The following HTR2B variants were observed in gnomAD, a reference collection of about 807,000 sequenced individuals.
HTR2B encodes the protein 5-hydroxytryptamine receptor 2B.
A neutral mutation model predicts 39.8 loss-of-function variants in HTR2B; 31 were observed. That is an observed-to-expected ratio of 0.78 (90% confidence interval 0.58 to 1.05). HTR2B has a LOEUF of 1.05. HTR2B is among the 50% of genes least tolerant of loss of function. The pLI is 0.00. For missense variants in HTR2B, 562 were observed against 578.0 expected (o/e 0.97, Z 0.28); for synonymous variants, 210 against 207.1 (o/e 1.01, Z -0.12).
At chr2:231,124,917 A>T (rs1383804848) in intron 1 of HTR2B, 55 bp downstream of exon 1, 1 of 152,038 alleles carries the variant, frequency 6.6e-6, no homozygotes, top group African/African-American at 2.4e-5. Flanking sequence ...GAATTCTTGA[A>T]GATTAAAAAA....
chr2:231,113,637 T>C (rs1032345371), intron 3 of HTR2B, 92 bp downstream of exon 3: 9 of 1,115,074 alleles, frequency 8.1e-6, no homozygotes, highest in African/African-American at 7.7e-5. Context: ...CCTCTCATGC[T>C]GAGTTTCATT....
In HTR2B at chr2:231,109,016, A is replaced by T; in HGVS notation, c.947T>A (p.Ile316Asn). 1 of 1,614,250 alleles carries T rather than the reference A, an allele frequency of 6.2e-7. No individual in the cohort carries two copies. Among genetic ancestry groups the T allele is most frequent in the Non-Finnish European group, 8.5e-7 (1 of 1,180,038 alleles). ...STIGKKSVQTISNEQRASKVL... is the reference protein window; with the variant it reads ...STIGKKSVQTNSNEQRASKVL... ...CTTTGAGGCTCTCTGTTCGTTGGAA[A>T]TGGTCTGCACTGACTTTTTCCCAAT... is the stretch of plus-strand genomic sequence containing the variant. The change falls in exon 4 of 4, where the codon ATT becomes AAT. Residue 316 changes from isoleucine to asparagine, a missense_variant. Ile to Asn is a moderately radical substitution (Grantham distance 149, BLOSUM62 -3). Transcript: ENST00000258400.
Position 231,108,792 on chromosome 2 carries a change from A to G in HTR2B, c.1171T>C (p.Phe391Leu), listed in dbSNP as rs1163426310. Residue 391 changes from phenylalanine to leucine, a missense_variant, in exon 4 of 4, where the codon TTT becomes CTT. Transcript: ENST00000258400. ...TLFNKTFRDA[F>L]GRYITCNYRA... ...TAATTGCAGGTGATATATCGGCCAA[A>G]TGCATCCCGAAATGTCTTATTGAAG... The G allele has an allele frequency of 2.5e-6, 4 of 1,614,072 alleles. No homozygotes were observed. Among genetic ancestry groups the G allele is most frequent in the Non-Finnish European group, 3.4e-6 (4 of 1,180,042 alleles).
At chr2:231,111,126 C>G (rs1307245783) in intron 3 of HTR2B, among the ~76,000 whole-genome samples, 1 of 152,184 alleles carries the variant, frequency 6.6e-6, no homozygotes, top group East Asian at 1.9e-4. Flanking sequence ...CCAGTGCCAG[C>G]ATTTTCTACT....
chr2:231,109,295 A>C lies in HTR2B; in HGVS notation c.668T>G (p.Leu223Arg). 6.2e-7 allele frequency: 1 copy of C among 1,614,194 alleles called. No individual in the cohort carries two copies. The highest frequency in any genetic ancestry group is 1.1e-5 in the South Asian group (1 of 91,084). Residue 223 changes from leucine to arginine, a missense_variant, in exon 4 of 4, where the codon CTG (leucine) becomes CGG (arginine). Transcript: ENST00000258400. ...RFGDFMLFGS[L>R]AAFFTPLAIM... ...TGCAAGAGGTGTGAAGAAGGCAGCC[A>C]GTGAGCCAAAGAGCATGAAATCGCC...
At chr2:231,115,096 C>A (rs1362535110) in intron 2 of HTR2B, among the ~76,000 whole-genome samples, 1 of 151,742 alleles carries the variant, frequency 6.6e-6, no homozygotes, top group Non-Finnish European at 1.5e-5. Context: ...CCAGAATAAT[C>A]ATCTCAGGAT....
chr2:231,119,994 C>G (rs1695481066), intron 2 of HTR2B, among the ~76,000 whole-genome samples: 1 of 151,010 alleles, frequency 6.6e-6, no homozygotes, highest in Non-Finnish European at 1.5e-5. Context: ...ACCCCGTCAC[C>G]CAGGCTGGAG....
Position 231,108,651 on chromosome 2 carries a change from T to A in HTR2B, c.1312A>T (p.Asn438Tyr). 1.9e-6 allele frequency: 3 copies of A among 1,614,150 alleles called. No homozygotes were observed. The highest frequency in any genetic ancestry group is 2.5e-6 in the Non-Finnish European group (3 of 1,180,012). Residue 438 changes from asparagine to tyrosine, a missense_variant, in exon 4 of 4, where the codon AAC becomes TAC. Physicochemically the swap from Asn to Tyr is moderately radical, Grantham distance 143 (BLOSUM62 -2). Transcript: ENST00000258400. Reference protein sequence around the residue: ...FKKHGIRNGINPAMYQSPMRL... With the variant: ...FKKHGIRNGIYPAMYQSPMRL... ...ATTGGACTCTGGTACATGGCAGGGT[T>A]AATCCCATTTCGAATTCCATGTTTC...
At chr2:231,114,985 GT>G (rs1305014218) in intron 2 of HTR2B, among the ~76,000 whole-genome samples, 1 of 152,084 alleles carries the variant, frequency 6.6e-6, no homozygotes, top group Non-Finnish European at 1.5e-5. Context: ...GGATTTGATT[GT>G]TATATGTCCA....
At chr2:231,118,579 G>C (rs972125644) in intron 2 of HTR2B, among the ~76,000 whole-genome samples, 10 of 152,066 alleles carry the variant, frequency 6.6e-5, no homozygotes, top group Non-Finnish European at 1.3e-4. Flanking sequence ...GTTGGTTTGG[G>C]TATTTTTTTG....
chr2:231,124,163 A>T (rs564562264), intron 1 of HTR2B, 33 bp from the exon 2 acceptor site: 1 of 194,710 alleles, frequency 5.1e-6, no homozygotes, highest in South Asian at 9.3e-5. Context: ...GCATTATTTT[A>T]TTCATTTCTG....
chr2:231,123,327 A>G lies in HTR2B; in HGVS notation c.352+86T>C, dbSNP rs1695610350. 6 of 998,718 alleles carry G rather than the reference A, an allele frequency of 6.0e-6. No individual in the cohort carries two copies. The African/African-American group carries it at 6.4e-5, about 11-fold the overall frequency. 61.9% of individuals were successfully genotyped at this position (998,718 alleles called of 1,614,324 possible). A position where few individuals can be genotyped will look rare whatever the true frequency, so the allele number is the denominator to read the frequency against. ...GTCCAAGTTCATCTTTTATTTCAAGAAAAGTAAAGATTAAATGAGTGTCCA... is the reference window on the plus strand; with the variant it reads ...GTCCAAGTTCATCTTTTATTTCAAGGAAAGTAAAGATTAAATGAGTGTCCA... On this transcript the variant is annotated intron_variant, in intron 2 of 3. Coordinates refer to ENST00000258400, the MANE Select transcript of HTR2B (RefSeq NM_000867.5).
At chr2:231,122,156 T>C (rs1695567372) in intron 2 of HTR2B, among the ~76,000 whole-genome samples, 2 of 152,162 alleles carry the variant, frequency 1.3e-5, no homozygotes, top group Admixed American at 1.3e-4. Flanking sequence ...TGTTAATTAT[T>C]AGAAAGTCTA....
rs1196528598 is a variant in HTR2B, at chr2:231,123,813, G to A, written c.-49C>T. On this transcript the variant is annotated 5_prime_UTR_variant, in exon 2 of 4. Transcript: ENST00000258400. ...CCCGTTCCGAACAGTGGTCAGCATG[G>A]TTAGTAGCTAAGCTGCTCATCTGTT... The A allele has an allele frequency of 1.5e-6, 2 of 1,364,346 alleles. No individual in the cohort carries two copies. Among genetic ancestry groups the A allele is most frequent in the Admixed American group, 3.4e-5 (2 of 59,686 alleles). The allele number at this position is 1,364,346 out of a possible 1,614,324, so 84.5% of individuals were successfully genotyped here.
At chr2:231,120,643 A>T (rs1330085996) in intron 2 of HTR2B, among the ~76,000 whole-genome samples, 1 of 152,242 alleles carries the variant, frequency 6.6e-6, no homozygotes, top group Non-Finnish European at 1.5e-5. Flanking sequence ...ATCTCTCAGT[A>T]TAAGGACAGA....
chr2:231,116,953 T>G (rs1347185317), intron 2 of HTR2B, among the ~76,000 whole-genome samples: 3 of 151,996 alleles, frequency 2.0e-5, no homozygotes, highest in African/African-American at 7.2e-5. Flanking sequence ...AATAGAAACC[T>G]TATATACAAC....
At chr2:231,118,525 G>A (rs192754017) in intron 2 of HTR2B, among the ~76,000 whole-genome samples, 280 of 152,136 alleles carry the variant, frequency 1.8e-3, no homozygotes, top group Middle Eastern at 6.8e-3. Flanking sequence ...TTTTATATAC[G>A]GTACAGGAAA....
In HTR2B at chr2:231,108,939, T is replaced by C. The variant is rs765850892; in HGVS notation, c.1024A>G (p.Ile342Val). ...LFLLMWCPFF[I>V]TNITLVLCDS... ...CATAAAACTAAAGTTATATTTGTAA[T>C]AAAGAAGGGACACCACATAAGCAAA... The change falls in exon 4 of 4, where the codon ATT becomes GTT. Residue 342 changes from isoleucine to valine, a missense_variant. Coordinates refer to ENST00000258400, the MANE Select transcript of HTR2B (RefSeq NM_000867.5). 6 of 1,614,072 alleles carry C rather than the reference T, an allele frequency of 3.7e-6. No homozygotes were observed. Among genetic ancestry groups the C allele is most frequent in the Admixed American group, 1.7e-5 (1 of 60,022 alleles).
intron 2 of HTR2B, among the ~76,000 whole-genome samples, chr2:231,121,120 ATAG>A (rs1695526259): frequency 1.3e-5 from 2 of 152,154 alleles, no homozygotes; most frequent in South Asian, 4.1e-4. Context: ...AATGTATTAG[ATAG>A]TAGTTCACAG....
Sources: gnomAD v4.1 joint callset for allele counts (sites outside exome capture counted in the v4.1 genomes callset) on GRCh38, gnomAD v4.1.1 for gene constraint, MANE v1.5 for transcripts, NCBI Gene and HGNC (gene_info 2026-07-23, HGNC 2026-07-21) for gene names.